CCBE1: variants seen among roughly 807,000 people sequenced by gnomAD.
The protein encoded by CCBE1 is collagen and calcium-binding EGF domain-containing protein 1.
CCBE1 carries 37 observed loss-of-function variants against 50.0 expected under a neutral mutation model. The ratio of observed to expected loss-of-function variants is 0.74; its 90% CI spans 0.57 to 0.97. The LOEUF (loss-of-function observed/expected upper bound fraction) is 0.97. Ranked by LOEUF, CCBE1 falls within the 50% of genes least tolerant of loss-of-function variation. The pLI is 0.00. For missense variants in CCBE1, 538 were observed against 523.8 expected (o/e 1.03, Z -0.26); for synonymous variants, 234 against 203.7 (o/e 1.15, Z -1.27).
chr18:59,578,168 A>C (rs1015864711), intron 2 of CCBE1, among the ~76,000 whole-genome samples: 1 of 152,224 alleles, frequency 6.6e-6, no homozygotes, highest in Non-Finnish European at 1.5e-5. Context: ...TCTTAAAAGA[A>C]GACATTTATG....
At chr18:59,518,908 C>T (rs567932778) in intron 2 of CCBE1, among the ~76,000 whole-genome samples, 3 of 152,292 alleles carry the variant, frequency 2.0e-5, no homozygotes, top group African/African-American at 4.8e-5. Context: ...AGCTCCCTTG[C>T]CCCAGGCTCT....
intron 2 of CCBE1, among the ~76,000 whole-genome samples, chr18:59,618,781 C>T (rs921179211): frequency 1.3e-5 from 2 of 152,096 alleles, no homozygotes; most frequent in African/African-American, 4.8e-5. Context: ...GTATCTGTAT[C>T]TCTACTTAGG....
intron 2 of CCBE1, among the ~76,000 whole-genome samples, chr18:59,533,576 T>C (rs1216983950): frequency 6.6e-6 from 1 of 152,178 alleles, no homozygotes; most frequent in African/African-American, 2.4e-5. Context: ...TTTATTCATA[T>C]ATAAAGCATT....
chr18:59,443,076 T>C (rs979043562), intron 7 of CCBE1, among the ~76,000 whole-genome samples: 7 of 152,156 alleles, frequency 4.6e-5, no homozygotes, highest in African/African-American at 1.7e-4. Context: ...AGTCATCTGC[T>C]CTTGTGTCTG....
At chr18:59,564,655 A>G (rs28397648) in intron 2 of CCBE1, among the ~76,000 whole-genome samples, 18,691 of 152,262 alleles carry the variant, frequency 0.12, 1,616 homozygotes, top group African/African-American at 0.24. Flanking sequence ...TGAAACATCT[A>G]TGTCTTTCAT....
rs34300816 is a variant in CCBE1 at position 59,652,963 on chromosome 18, C to CAAA, written c.212+43663_212+43665dup. ...TGGGAAACAAAGTGAGACTCCGTCT[C>CAAA]AAAAAAAAAAAGGATTTTCAGTCCC... On this transcript the variant is annotated intron_variant, in intron 2 of 10. Transcript: ENST00000439986. 7.4e-5 allele frequency among the ~76,000 whole-genome samples: 11 copies of CAAA among 148,668 alleles called. 1 individual carries two copies. Among genetic ancestry groups the CAAA allele is most frequent in the African/African-American group, 2.0e-4 (8 of 40,564 alleles).
In CCBE1 at chr18:59,439,782, G is replaced by A. The variant is rs151243930; in HGVS notation, c.810C>T (p.Pro270=). ...SPGPKGSPGF[P]GMPGPPGQPG... is the part of the protein sequence containing the mutation. ...GCTGCCCAGGAGGGCCTGGCATACC[G>A]GGGAAGCCTGGGCTTCCCTTTGGTC... Residue 270 remains proline (P), a synonymous_variant, in exon 8 of 11, where the codon CCC becomes CCT. Coordinates refer to ENST00000439986, the MANE Select transcript of CCBE1 (RefSeq NM_133459.4). The A allele has an allele frequency of 6.3e-5, 101 of 1,613,844 alleles. No homozygotes were observed. Among genetic ancestry groups the A allele is most frequent in the African/African-American group, 5.5e-4 (41 of 74,928 alleles).
At chr18:59,512,898 C>T (rs1914194739) in intron 2 of CCBE1, among the ~76,000 whole-genome samples, 1 of 152,170 alleles carries the variant, frequency 6.6e-6, no homozygotes, top group Non-Finnish European at 1.5e-5. Context: ...GCACCCACAG[C>T]CTGAGAAACC....
At chr18:59,641,539 A>G (rs1193584524) in intron 2 of CCBE1, among the ~76,000 whole-genome samples, 1 of 118,964 alleles carries the variant, frequency 8.4e-6, no homozygotes, top group Non-Finnish European at 2.1e-5. Context: ...CTGTACACCA[A>G]ACCCCGTGAC....
intron 2 of CCBE1, among the ~76,000 whole-genome samples, chr18:59,622,877 TA>T (rs1157528609): frequency 1.1e-4 from 15 of 141,432 alleles, no homozygotes; most frequent in East Asian, 8.3e-4. Context: ...GAGGGAGGGA[TA>T]GGGGGAGCAC....
At chr18:59,690,275 G>T (rs1268262147) in intron 2 of CCBE1, among the ~76,000 whole-genome samples, 1 of 152,160 alleles carries the variant, frequency 6.6e-6, no homozygotes, top group Admixed American at 6.5e-5. Context: ...TTTAAAATGA[G>T]TCAATAGCTT....
chr18:59,611,865 T>C (rs188296234), intron 2 of CCBE1, among the ~76,000 whole-genome samples: 2 of 152,094 alleles, frequency 1.3e-5, no homozygotes, highest in Admixed American at 6.5e-5. Context: ...AAGTTCAGAG[T>C]TATAGATTGA....
chr18:59,512,102 G>C (rs146364768), intron 2 of CCBE1, among the ~76,000 whole-genome samples: 3 of 152,160 alleles, frequency 2.0e-5, no homozygotes, highest in Non-Finnish European at 4.4e-5. Flanking sequence ...CTACAGTAGC[G>C]GTGTGATATG....
At chr18:59,468,694 T>C (rs547307730) in intron 4 of CCBE1, among the ~76,000 whole-genome samples, 1 of 152,334 alleles carries the variant, frequency 6.6e-6, no homozygotes, top group South Asian at 2.1e-4. Context: ...CATGTAGGTC[T>C]ACCTGCTAGT....
chr18:59,625,168 C>CCA (rs1568240231), intron 2 of CCBE1, among the ~76,000 whole-genome samples: 2 of 152,056 alleles, frequency 1.3e-5, no homozygotes, highest in African/African-American at 4.8e-5. Flanking sequence ...GTGGTGGCTC[C>CCA]CACCTGTAAT....
chr18:59,506,911 G>A (rs1913902825), intron 2 of CCBE1, among the ~76,000 whole-genome samples: 1 of 152,144 alleles, frequency 6.6e-6, no homozygotes. Context: ...AGATGTTGAA[G>A]TCCCATTCTC....
intron 2 of CCBE1, among the ~76,000 whole-genome samples, chr18:59,613,749 T>C (rs1454135538): frequency 6.6e-6 from 1 of 151,922 alleles, no homozygotes; most frequent in South Asian, 2.1e-4. Flanking sequence ...AAAAAAAAAT[T>C]AGAAGATATC....
chr18:59,489,420 TTTA>T (rs1421927222), intron 2 of CCBE1, among the ~76,000 whole-genome samples: 5 of 139,664 alleles, frequency 3.6e-5, no homozygotes, highest in Admixed American at 7.1e-5. Context: ...TTTTTATTTA[TTTA>T]TTTTTTTTGA....
At chr18:59,508,508 G>C (rs929278896) in intron 2 of CCBE1, among the ~76,000 whole-genome samples, 2 of 151,802 alleles carry the variant, frequency 1.3e-5, no homozygotes, top group Non-Finnish European at 2.9e-5. Flanking sequence ...GAGGCAGGAG[G>C]ATGACTTGAG....
Sources: gnomAD v4.1 joint callset for allele counts (sites outside exome capture counted in the v4.1 genomes callset) on GRCh38, gnomAD v4.1.1 for gene constraint, MANE v1.5 for transcripts, NCBI Gene and HGNC (gene_info 2026-07-23, HGNC 2026-07-21) for gene names.